The following POC1A variants were observed in gnomAD, a reference collection of about 807,000 sequenced individuals.
POC1A encodes POC1 centriolar protein homolog A.
In POC1A, 34 loss-of-function variants were observed where a neutral mutation model predicts 47.8. The observed-to-expected ratio is 0.71, with a 90% confidence interval of 0.54 to 0.95. The LOEUF (loss-of-function observed/expected upper bound fraction) is 0.95, where lower values mean the gene tolerates loss of function less well. Among genes scored for constraint, POC1A ranks in the 40% least tolerant of loss-of-function variants. POC1A has a pLI of 0.00. For missense variants in POC1A, 466 were observed against 528.3 expected (o/e 0.88, Z 1.16); for synonymous variants, 177 against 207.6 (o/e 0.85, Z 1.27).
intron 9 of POC1A, among the ~76,000 whole-genome samples, chr3:52,117,262 A>C (rs1703600239): frequency 6.6e-6 from 1 of 151,828 alleles, no homozygotes. Context: ...CTGAGACAGG[A>C]GGATCGCTTC....
At position 52,141,275 on chromosome 3, in the gene POC1A, C is replaced by T. The variant is rs554825427; in HGVS notation, c.680-2973G>A. Among the ~76,000 whole-genome samples the T allele has an allele frequency of 1.9e-4, 29 of 152,340 alleles. 1 individual carries two copies. The South Asian group carries it at 3.3e-3, about 17-fold the overall frequency. ...GTAGAGGCTTGGGCAAACCTAGGCC[C>T]ACTACCTAACGGGCTGCAAACCAGC... On this transcript the variant is annotated intron_variant, in intron 6 of 10. Coordinates refer to ENST00000296484, the MANE Select transcript of POC1A (RefSeq NM_015426.5).
At chr3:52,146,452 G>T (rs2107192228) in intron 5 of POC1A, among the ~76,000 whole-genome samples, 1 of 152,308 alleles carries the variant, frequency 6.6e-6, no homozygotes, top group South Asian at 2.1e-4. Context: ...ACCTCTCAAG[G>T]AGAAGCCCTT....
At chr3:52,076,633 C>T (rs1349610031) in intron 10 of POC1A, among the ~76,000 whole-genome samples, 1 of 152,252 alleles carries the variant, frequency 6.6e-6, no homozygotes, top group African/African-American at 2.4e-5. Flanking sequence ...CTTCATCTCT[C>T]TGAGCCCACT....
chr3:52,107,302 G>T (rs1018220818), intron 9 of POC1A, among the ~76,000 whole-genome samples: 2 of 152,342 alleles, frequency 1.3e-5, no homozygotes, highest in East Asian at 1.9e-4. Flanking sequence ...GGAACACAGA[G>T]GGGGAGGACT....
chr3:52,090,790 A>G lies in POC1A; in HGVS notation c.1125+5779T>C, dbSNP rs879356219. 2.6e-5 allele frequency among the ~76,000 whole-genome samples: 4 copies of G among 152,158 alleles called. No individual in the cohort carries two copies. Among genetic ancestry groups the G allele is most frequent in the Non-Finnish European group, 5.9e-5 (4 of 68,020 alleles). Reference sequence around the variant, plus strand: ...ACCTACTGAGCGCCCATCCCTGGGCAGGCAGGCCTAGCAGCCTCGGGGTCC... The same window carrying G: ...ACCTACTGAGCGCCCATCCCTGGGCGGGCAGGCCTAGCAGCCTCGGGGTCC... On this transcript the variant is annotated intron_variant, in intron 10 of 10. Coordinates refer to ENST00000296484, the MANE Select transcript of POC1A (RefSeq NM_015426.5). This position sits in a 1 kb window ranked among gnomAD's most constrained non-coding sequence, Gnocchi z 4.2.
At position 52,138,532 on chromosome 3, in the gene POC1A, A is replaced by T. The variant is rs527342357; in HGVS notation, c.680-230T>A. On this transcript the variant is annotated intron_variant, in intron 6 of 10. Coordinates refer to ENST00000296484, the MANE Select transcript of POC1A (RefSeq NM_015426.5). Reference sequence around the variant, plus strand: ...CAGAGCCAAGGGCAGGCAGTGGAAGACAGGCGGACAGAAACAGATGCAAAA... The same window carrying T: ...CAGAGCCAAGGGCAGGCAGTGGAAGTCAGGCGGACAGAAACAGATGCAAAA... Among the ~76,000 whole-genome samples the T allele has an allele frequency of 1.4e-4, 22 of 152,336 alleles. 1 individual carries two copies. Among genetic ancestry groups the T allele is most frequent in the Non-Finnish European group, 1.5e-5 (1 of 68,026 alleles).
At chr3:52,135,038 C>T (rs896377948) in intron 7 of POC1A, among the ~76,000 whole-genome samples, 4 of 152,216 alleles carry the variant, frequency 2.6e-5, no homozygotes, top group Non-Finnish European at 4.4e-5. Context: ...ACATCTTCCT[C>T]GAAGGTCTGA....
rs746752119 is a variant in POC1A, at chr3:52,151,212, A to G, written c.19-112T>C. ...GAGTAGGGTTAAAAATGCTCAAGGC[A>G]TGATCTTATATAAAGAAAATCCTAA... On this transcript the variant is annotated intron_variant, in intron 1 of 10. Transcript: ENST00000296484. The G allele has an allele frequency of 1.8e-5, 26 of 1,472,790 alleles. 1 individual carries two copies. In the East Asian group the frequency reaches 2.7e-4, roughly 15 times the overall value. 91.2% of individuals were successfully genotyped at this position (1,472,790 alleles called of 1,614,324 possible).
intron 10 of POC1A, among the ~76,000 whole-genome samples, chr3:52,081,826 G>A (rs889039898): frequency 3.3e-5 from 5 of 152,152 alleles, no homozygotes; most frequent in African/African-American, 1.2e-4. Context: ...AAGAGAGAAC[G>A]AGAGGGGATG....
intron 5 of POC1A, among the ~76,000 whole-genome samples, chr3:52,146,524 C>G (rs1417718141): frequency 1.3e-5 from 2 of 152,242 alleles, no homozygotes; most frequent in Admixed American, 1.3e-4. Flanking sequence ...GTAGGCACCT[C>G]TCTCTCCTGA....
In POC1A at chr3:52,123,109, G is replaced by A. The variant is rs151216660; in HGVS notation, c.883-632C>T. On this transcript the variant is annotated intron_variant, in intron 8 of 10. Coordinates refer to ENST00000296484, the MANE Select transcript of POC1A (RefSeq NM_015426.5). The stretch of plus-strand genomic sequence containing the variant: ...GGATAAGCCTAGTTCCCATCTCATG[G>A]GGCTGCTGTGAGGCTCACAGGAGAC... 1.6e-3 allele frequency among the ~76,000 whole-genome samples: 237 copies of A among 152,322 alleles called. 1 individual carries two copies. Among genetic ancestry groups the A allele is most frequent in the African/African-American group, 5.4e-3 (224 of 41,570 alleles).
intron 7 of POC1A, among the ~76,000 whole-genome samples, chr3:52,133,297 G>A (rs140580097): frequency 1.1e-3 from 174 of 152,270 alleles, no homozygotes; most frequent in African/African-American, 4.0e-3. Context: ...CTTCCCCAAC[G>A]CTAGTACCTT....
chr3:52,097,096 T>C (rs1244252942), intron 9 of POC1A, among the ~76,000 whole-genome samples: 1 of 152,238 alleles, frequency 6.6e-6, no homozygotes, highest in East Asian at 1.9e-4. Flanking sequence ...CCAGAGATGC[T>C]GAAGCCTGGC....
chr3:52,129,956 C>T (rs1420322347), intron 7 of POC1A, among the ~76,000 whole-genome samples: 1 of 152,096 alleles, frequency 6.6e-6, no homozygotes, highest in African/African-American at 2.4e-5. Context: ...ACAAGGGAGC[C>T]CATGGTGATT....
At chr3:52,085,661 C>T (rs1702436633) in intron 10 of POC1A, among the ~76,000 whole-genome samples, 1 of 152,186 alleles carries the variant, frequency 6.6e-6, no homozygotes, top group Admixed American at 6.5e-5. Context: ...AGTGGGGAAC[C>T]TTGGTCCCAC....
intron 9 of POC1A, among the ~76,000 whole-genome samples, chr3:52,118,312 G>A (rs1187326958): frequency 6.6e-6 from 1 of 152,122 alleles, no homozygotes; most frequent in Non-Finnish European, 1.5e-5. Context: ...CCCTCCTCAT[G>A]CACAACTCAG....
chr3:52,096,815 A>C, intron 9 of POC1A, 103 bp from the exon 10 acceptor site: 1 of 1,082,950 alleles, frequency 9.2e-7, no homozygotes, highest in Non-Finnish European at 1.3e-6. Context: ...CCACCAGCAA[A>C]TTTGAGAAGG....
chr3:52,141,094 A>G (rs1385850949), intron 6 of POC1A, among the ~76,000 whole-genome samples: 2 of 152,202 alleles, frequency 1.3e-5, no homozygotes, highest in East Asian at 1.9e-4. Flanking sequence ...CTCCAGGTCA[A>G]AGATACACCA....
In POC1A at chr3:52,105,287, C is replaced by A. The variant is rs1703138793; in HGVS notation, c.982-8575G>T. Among the ~76,000 whole-genome samples, 5 of 152,220 alleles carry A rather than the reference C, an allele frequency of 3.3e-5. No homozygotes were observed. The South Asian group carries it at 1.0e-3, about 32-fold the overall frequency. On this transcript the variant is annotated intron_variant, in intron 9 of 10. Coordinates refer to ENST00000296484, the MANE Select transcript of POC1A (RefSeq NM_015426.5). ...CTGGAAGAAATGGACACAAACACAC[C>A]CCCATGATTAAATATTTTCAACTGA... is the stretch of plus-strand genomic sequence containing the variant.
Sources: allele counts gnomAD v4.1 joint callset (sites outside exome capture counted in the v4.1 genomes callset), GRCh38; gene constraint gnomAD v4.1.1; non-coding constraint Gnocchi (gnomAD v3.1); transcripts MANE v1.5; gene names NCBI Gene and HGNC (gene_info 2026-07-23, HGNC 2026-07-21).